H2BC3: variants seen among roughly 807,000 people sequenced by gnomAD.
H2BC3 encodes H2B clustered histone 3.
In H2BC3, 8 loss-of-function variants were observed where a neutral mutation model predicts 6.0. The observed-to-expected ratio is 1.33, with a 90% CI of 0.78 to 2.40. The LOEUF is 2.40. Ranked by LOEUF, H2BC3 falls within the 30% of genes most tolerant of loss-of-function variation. The pLI is 0.00. For synonymous variants in H2BC3, 122 were observed against 66.2 expected, an observed-to-expected ratio of 1.84 and a Z score of -4.09; for missense variants, 222 against 163.2, an observed-to-expected ratio of 1.36 and a Z score of -1.96.
Position 26,043,650 on chromosome 6 carries a change from T to G in H2BC3, c.8A>C (p.Glu3Ala). MP[E>A]PSKSAPAPKK... ...AGGGGCTGGAGCAGACTTAGAGGGT[T>G]CAGGCATTGCTATTCCTAAACAGAA... Residue 3 changes from glutamate to alanine, a missense_variant, in exon 1 of 1, where the codon GAA (glutamate) becomes GCA (alanine). Glu to Ala is a moderately radical substitution (Grantham distance 107). Transcript: ENST00000615966. 6.3e-7 allele frequency: 1 copy of G among 1,595,146 alleles called. No homozygotes were observed.
chr6:26,043,536 TAG>T lies in H2BC3; in HGVS notation c.120_121del (p.Tyr41CysfsTer45). The T allele has an allele frequency of 8.7e-6, 14 of 1,614,110 alleles. No homozygotes were observed. Among genetic ancestry groups the T allele is most frequent in the Non-Finnish European group, 1.2e-5 (14 of 1,179,964 alleles). On this transcript the variant is annotated frameshift_variant, in exon 1 of 1. Transcript: ENST00000615966. LOFTEE classifies it high-confidence loss of function. The stretch of plus-strand genomic sequence containing the variant: ...GACCTGCTTCAGAACCTTGTACACA[TAG>T]ATAGAATAGCTCTCCTTGCGGCTGC...
In H2BC3 at chr6:26,043,469, C is replaced by A. The variant is rs1212342410; in HGVS notation, c.189G>T (p.Met63Ile). ...CGAAGATGTCGTTGACGAAGGAATT[C>A]ATGATCCCCATGGCCTTGGATGAGA... ...TGISSKAMGI[M>I]NSFVNDIFER... Residue 63 changes from methionine to isoleucine, a missense_variant, in exon 1 of 1, where the codon ATG becomes ATT. Met to Ile is a conservative substitution (Grantham distance 10). Transcript: ENST00000615966. 3 of 1,614,074 alleles carry A rather than the reference C, an allele frequency of 1.9e-6. No individual in the cohort carries two copies. The highest frequency in any genetic ancestry group is 1.7e-6 in the Non-Finnish European group (2 of 1,180,052).
At position 26,043,502 on chromosome 6, in the gene H2BC3, G is replaced by A. The variant is rs768195915; in HGVS notation, c.156C>T (p.Asp52=). The change falls in exon 1 of 1, where the codon GAC becomes GAT. Residue 52 remains aspartate, a synonymous_variant. Transcript: ENST00000615966. ...CCATGGCCTTGGATGAGATGCCGGT[G>A]TCGGGGTGGACCTGCTTCAGAACCT... ...VYKVLKQVHP[D]TGISSKAMGI... is the part of the protein sequence containing the mutation. The A allele has an allele frequency of 4.5e-5, 73 of 1,614,104 alleles. No homozygotes were observed. Among genetic ancestry groups the A allele is most frequent in the South Asian group, 3.0e-4 (27 of 91,094 alleles).
rs769308092 is a variant in H2BC3, at chr6:26,043,287, C to G, written c.371G>C (p.Ser124Thr). The stretch of plus-strand genomic sequence containing the variant: ...TGCTTACATAAGCACTTATTTAGAG[C>G]TAGTGTACTTGGTAACTGCCTTAGT... ...EGTKAVTKYT[S>T]SK is the part of the protein sequence containing the mutation. Residue 124 changes from serine to threonine, a missense_variant, in exon 1 of 1, where the codon AGC becomes ACC. Transcript: ENST00000615966. 18 of 1,604,064 alleles carry G rather than the reference C, an allele frequency of 1.1e-5. No homozygotes were observed. The highest frequency in any genetic ancestry group is 1.4e-5 in the Non-Finnish European group (16 of 1,175,660).
Position 26,043,550 on chromosome 6 carries a change from C to G in H2BC3, c.108G>C (p.Glu36Asp), listed in dbSNP as rs747391525. 1.9e-6 allele frequency: 3 copies of G among 1,614,234 alleles called. No homozygotes were observed. Among genetic ancestry groups the G allele is most frequent in the Non-Finnish European group, 1.7e-6 (2 of 1,180,048 alleles). Residue 36 changes from glutamate (E) to aspartate (D), a missense_variant, in exon 1 of 1, where the codon GAG (glutamate) becomes GAC (aspartate). Transcript: ENST00000615966. Reference protein sequence around the residue: ...DGKKRKRSRKESYSIYVYKVL... With the variant: ...DGKKRKRSRKDSYSIYVYKVL... ...CCTTGTACACATAGATAGAATAGCT[C>G]TCCTTGCGGCTGCGCTTACGCTTCT...
rs1429909097 is a variant in H2BC3 at position 26,043,243 on chromosome 6, G to T, written c.*34C>A. 2 of 1,534,196 alleles carry T rather than the reference G, an allele frequency of 1.3e-6. No homozygotes were observed. The highest frequency in any genetic ancestry group is 1.7e-6 in the Non-Finnish European group (2 of 1,143,446). ...GTGACAAAGTAGGTGGCTCTGAAAA[G>T]AGCCTTTGGGTTTGGAAGTGCTTAC... On this transcript the variant is annotated 3_prime_UTR_variant, in exon 1 of 1. Coordinates refer to ENST00000615966, the MANE Select transcript of H2BC3 (RefSeq NM_021062.3).
In H2BC3 at chr6:26,043,674, A is replaced by G; in HGVS notation, c.-17T>C. On this transcript the variant is annotated 5_prime_UTR_variant, in exon 1 of 1. Transcript: ENST00000615966. Reference sequence around the variant, plus strand: ...TTCAGGCATTGCTATTCCTAAACAGAATAGAAAAGCTACTAACACTCTCCA... The same window carrying G: ...TTCAGGCATTGCTATTCCTAAACAGGATAGAAAAGCTACTAACACTCTCCA... 6.4e-7 allele frequency: 1 copy of G among 1,564,126 alleles called. No homozygotes were observed. Among genetic ancestry groups the G allele is most frequent in the Non-Finnish European group, 8.6e-7 (1 of 1,158,920 alleles).
At position 26,043,411 on chromosome 6, in the gene H2BC3, G is replaced by C; in HGVS notation, c.247C>G (p.His83Asp). Residue 83 changes from histidine (H) to aspartate (D), a missense_variant, in exon 1 of 1, where the codon CAC becomes GAC. Coordinates refer to ENST00000615966, the MANE Select transcript of H2BC3 (RefSeq NM_021062.3). ...GTGATGGTCGAGCGCTTATTGTAGT[G>C]AGCCAGGCGAGAAGCCTCGCCCGCG... ...RIAGEASRLA[H>D]YNKRSTITSR... 2 of 1,614,156 alleles carry C rather than the reference G, an allele frequency of 1.2e-6. No individual in the cohort carries two copies. The highest frequency in any genetic ancestry group is 8.5e-7 in the Non-Finnish European group (1 of 1,180,040).
chr6:26,043,609 T>G lies in H2BC3; in HGVS notation c.49A>C (p.Lys17Gln). The change falls in exon 1 of 1, where the codon AAG becomes CAG. Residue 17 changes from lysine (K) to glutamine (Q), a missense_variant. Transcript: ENST00000615966. ...SAPAPKKGSK[K>Q]AITKAQKKDG... ...TTCTTCTGCGCCTTAGTGATAGCCT[T>G]CTTAGAACCCTTTTTAGGGGCTGGA... The G allele has an allele frequency of 2.5e-6, 4 of 1,613,428 alleles. No homozygotes were observed. The highest frequency in any genetic ancestry group is 3.4e-6 in the Non-Finnish European group (4 of 1,179,722).
chr6:26,043,520 C>G lies in H2BC3; in HGVS notation c.138G>C (p.Leu46=), dbSNP rs1761670134. 6.2e-7 allele frequency: 1 copy of G among 1,614,202 alleles called. No homozygotes were observed. ...ESYSIYVYKV[L]KQVHPDTGIS... is the part of the protein sequence containing the mutation. ...TGCCGGTGTCGGGGTGGACCTGCTT[C>G]AGAACCTTGTACACATAGATAGAAT... Residue 46 remains leucine (L), a synonymous_variant, in exon 1 of 1, where the codon CTG becomes CTC. Coordinates refer to ENST00000615966, the MANE Select transcript of H2BC3 (RefSeq NM_021062.3).
rs1294341694 is a variant in H2BC3 at position 26,043,453 on chromosome 6, C to G, written c.205G>C (p.Asp69His). Residue 69 changes from aspartate to histidine, a missense_variant, in exon 1 of 1, where the codon GAC becomes CAC. Asp to His is a moderately conservative substitution (Grantham distance 81, BLOSUM62 -1). Coordinates refer to ENST00000615966, the MANE Select transcript of H2BC3 (RefSeq NM_021062.3). ...AMGIMNSFVN[D>H]IFERIAGEAS... ...TCGCCCGCGATGCGCTCGAAGATGT[C>G]GTTGACGAAGGAATTCATGATCCCC... is the stretch of plus-strand genomic sequence containing the variant. 6.2e-7 allele frequency: 1 copy of G among 1,614,016 alleles called. No individual in the cohort carries two copies. Among genetic ancestry groups the G allele is most frequent in the Non-Finnish European group, 8.5e-7 (1 of 1,180,042 alleles).
rs766610233 is a variant in H2BC3, at chr6:26,043,523, A to G, written c.135T>C (p.Val45=). The G allele has an allele frequency of 6.2e-7, 1 of 1,614,172 alleles. No homozygotes were observed. Among genetic ancestry groups the G allele is most frequent in the Non-Finnish European group, 8.5e-7 (1 of 1,180,040 alleles). ...KESYSIYVYK[V]LKQVHPDTGI... ...CGGTGTCGGGGTGGACCTGCTTCAG[A>G]ACCTTGTACACATAGATAGAATAGC... The change falls in exon 1 of 1, where the codon GTT becomes GTC. Residue 45 remains valine, a synonymous_variant. Transcript: ENST00000615966.
Position 26,043,373 on chromosome 6 carries a change from A to C in H2BC3, c.285T>G (p.Ile95Met). 6.2e-7 allele frequency: 1 copy of C among 1,614,144 alleles called. No individual in the cohort carries two copies. Among genetic ancestry groups the C allele is most frequent in the South Asian group, 1.1e-5 (1 of 91,080 alleles). ...GCAGCAGCAGGCGCACAGCCGTCTGAATCTCCCTGGAGGTGATGGTCGAGC... is the reference window on the plus strand; with the variant it reads ...GCAGCAGCAGGCGCACAGCCGTCTGCATCTCCCTGGAGGTGATGGTCGAGC... ...NKRSTITSRE[I>M]QTAVRLLLPG... The change falls in exon 1 of 1, where the codon ATT becomes ATG. Residue 95 changes from isoleucine to methionine, a missense_variant. Physicochemically the swap from Ile to Met is conservative, Grantham distance 10. Transcript: ENST00000615966.
chr6:26,043,403 A>G lies in H2BC3; in HGVS notation c.255T>C (p.Asn85=). Residue 85 remains asparagine (N), a synonymous_variant, in exon 1 of 1, where the codon AAT becomes AAC. Coordinates refer to ENST00000615966, the MANE Select transcript of H2BC3 (RefSeq NM_021062.3). The part of the protein sequence containing the change: ...AGEASRLAHY[N]KRSTITSREI... ...CCCTGGAGGTGATGGTCGAGCGCTTATTGTAGTGAGCCAGGCGAGAAGCCT... is the reference window on the plus strand; with the variant it reads ...CCCTGGAGGTGATGGTCGAGCGCTTGTTGTAGTGAGCCAGGCGAGAAGCCT... 1 of 1,614,168 alleles carries G rather than the reference A, an allele frequency of 6.2e-7. No individual in the cohort carries two copies. Among genetic ancestry groups the G allele is most frequent in the Non-Finnish European group, 8.5e-7 (1 of 1,180,038 alleles).
At position 26,043,676 on chromosome 6, in the gene H2BC3, T is replaced by C. The variant is rs769755321; in HGVS notation, c.-19A>G. 22 of 1,561,218 alleles carry C rather than the reference T, an allele frequency of 1.4e-5. No homozygotes were observed. The highest frequency in any genetic ancestry group is 1.6e-5 in the Non-Finnish European group (18 of 1,157,694). Reference sequence around the variant, plus strand: ...CAGGCATTGCTATTCCTAAACAGAATAGAAAAGCTACTAACACTCTCCACT... The same window carrying C: ...CAGGCATTGCTATTCCTAAACAGAACAGAAAAGCTACTAACACTCTCCACT... On this transcript the variant is annotated 5_prime_UTR_variant, in exon 1 of 1. Coordinates refer to ENST00000615966, the MANE Select transcript of H2BC3 (RefSeq NM_021062.3).
rs767385566 is a variant in H2BC3, at chr6:26,043,516, G to A, written c.142C>T (p.Gln48Ter). The change falls in exon 1 of 1, where the codon CAG becomes TAG. Residue 48 changes from glutamine (Q) to a stop codon, truncating the protein, a stop_gained. Coordinates refer to ENST00000615966, the MANE Select transcript of H2BC3 (RefSeq NM_021062.3). LOFTEE classifies it high-confidence loss of function. ...YSIYVYKVLK[Q>*]VHPDTGISSK... ...GAGATGCCGGTGTCGGGGTGGACCT[G>A]CTTCAGAACCTTGTACACATAGATA... 5.6e-6 allele frequency: 9 copies of A among 1,614,202 alleles called. No homozygotes were observed. Among genetic ancestry groups the A allele is most frequent in the Non-Finnish European group, 7.6e-6 (9 of 1,180,038 alleles).
Position 26,043,501 on chromosome 6 carries a change from T to G in H2BC3, c.157A>C (p.Thr53Pro). ...CCCATGGCCTTGGATGAGATGCCGGTGTCGGGGTGGACCTGCTTCAGAACC... is the reference window on the plus strand; with the variant it reads ...CCCATGGCCTTGGATGAGATGCCGGGGTCGGGGTGGACCTGCTTCAGAACC... Reference protein sequence around the residue: ...YKVLKQVHPDTGISSKAMGIM... With the variant: ...YKVLKQVHPDPGISSKAMGIM... Residue 53 changes from threonine (T) to proline (P), a missense_variant, in exon 1 of 1, where the codon ACC becomes CCC. Coordinates refer to ENST00000615966, the MANE Select transcript of H2BC3 (RefSeq NM_021062.3). The G allele has an allele frequency of 1.2e-6, 2 of 1,614,206 alleles. No individual in the cohort carries two copies. The highest frequency in any genetic ancestry group is 2.2e-5 in the East Asian group (1 of 44,866).
rs372065604 is a variant in H2BC3 at position 26,043,430 on chromosome 6, G to C, written c.228C>G (p.Gly76=). 1 of 1,614,036 alleles carries C rather than the reference G, an allele frequency of 6.2e-7. No homozygotes were observed. The highest frequency in any genetic ancestry group is 1.3e-5 in the African/African-American group (1 of 74,928). ...FVNDIFERIA[G]EASRLAHYNK... is the part of the protein sequence containing the mutation. ...TGTAGTGAGCCAGGCGAGAAGCCTC[G>C]CCCGCGATGCGCTCGAAGATGTCGT... Residue 76 remains glycine, a synonymous_variant, in exon 1 of 1, where the codon GGC becomes GGG. Transcript: ENST00000615966.
chr6:26,043,711 T>A lies in H2BC3; in HGVS notation c.-54A>T, dbSNP rs1437160976. On this transcript the variant is annotated 5_prime_UTR_variant, in exon 1 of 1. Transcript: ENST00000615966. ...ACTAACACTCTCCACTACAGAGTAG[T>A]ACAGAGAACAGTTCAGAGCCCATGT... The A allele has an allele frequency of 8.7e-6, 13 of 1,502,500 alleles. No individual in the cohort carries two copies. The African/African-American group carries it at 9.8e-5, about 11-fold the overall frequency. 93.1% of individuals were successfully genotyped at this position (1,502,500 alleles called of 1,614,324 possible).
Sources: allele counts gnomAD v4.1 joint callset, GRCh38; gene constraint gnomAD v4.1.1; transcripts MANE v1.5; gene names NCBI Gene and HGNC (gene_info 2026-07-23, HGNC 2026-07-21).